Variants in MICAL2 observed in about 807,000 individuals in gnomAD.
MICAL2 encodes [F-actin]-monooxygenase MICAL2.
In MICAL2, 77 loss-of-function variants were observed where a neutral mutation model predicts 127.3. The observed-to-expected ratio is 0.60, with a 90% confidence interval of 0.50 to 0.73. MICAL2 has a LOEUF of 0.73. Among genes scored for constraint, MICAL2 ranks in the 30% least tolerant of loss-of-function variants. MICAL2 has a pLI of 0.00. For missense variants in MICAL2, 1,351 were observed against 1,434.4 expected (o/e 0.94, Z 0.94); for synonymous variants, 570 against 551.1 (o/e 1.03, Z -0.48).
intron 24 of MICAL2, 178 bp downstream of exon 24, chr11:12,257,149 C>A: frequency 1.5e-6 from 1 of 674,664 alleles, no homozygotes. Context: ...GGGAGGCTGC[C>A]TGTGGTCCCA....
At chr11:12,167,276 T>C (rs1472592521) in intron 3 of MICAL2, among the ~76,000 whole-genome samples, 1 of 152,112 alleles carries the variant, frequency 6.6e-6, no homozygotes. Flanking sequence ...TGAAAACTCT[T>C]GCGTTATCTT....
At chr11:12,267,886 C>A (rs1863627618), downstream of MICAL2, among the ~76,000 whole-genome samples, 1 of 152,208 alleles carries the variant, frequency 6.6e-6, no homozygotes. Context: ...AGCCACTGTG[C>A]CTGGCCTGGA....
intron 2 of MICAL2, among the ~76,000 whole-genome samples, chr11:12,139,589 C>T (rs1057096125): frequency 1.3e-5 from 2 of 152,106 alleles, no homozygotes; most frequent in African/African-American, 4.8e-5. Flanking sequence ...CCACGGGAGT[C>T]CTGAATGGCA....
At chr11:12,111,931 C>G (rs11022177) in intron 1 of MICAL2, among the ~76,000 whole-genome samples, 46,602 of 152,088 alleles carry the variant, frequency 0.31, 7,188 homozygotes, top group South Asian at 0.39. Flanking sequence ...ACTCTAATAC[C>G]GTAAGAACTC....
chr11:12,158,921 C>T (rs760698057), intron 2 of MICAL2, among the ~76,000 whole-genome samples: 5 of 152,232 alleles, frequency 3.3e-5, no homozygotes, highest in Admixed American at 6.5e-5. Flanking sequence ...ACGAGGAAAG[C>T]TACCCGCCAT....
intron 29 of MICAL2, among the ~76,000 whole-genome samples, chr11:12,319,005 C>T (rs901475604): frequency 2.0e-5 from 3 of 152,084 alleles, no homozygotes; most frequent in Admixed American, 6.5e-5. Context: ...ATCACCACTT[C>T]GATGATGTGA....
chr11:12,320,437 C>T (rs1197602153), intron 30 of MICAL2, among the ~76,000 whole-genome samples: 2 of 152,124 alleles, frequency 1.3e-5, no homozygotes, highest in Non-Finnish European at 2.9e-5. Flanking sequence ...CTGTATGTCA[C>T]ATACACAGAG....
chr11:12,294,217 C>T (rs34063431), downstream of MICAL2: 1,277 of 1,614,070 alleles, frequency 7.9e-4, 12 homozygotes, highest in African/African-American at 0.016. Context: ...GGGAGCGAAA[C>T]GTGCCTCCAC....
chr11:12,164,199 G>A (rs999418088), intron 3 of MICAL2, among the ~76,000 whole-genome samples: 2 of 152,146 alleles, frequency 1.3e-5, no homozygotes, highest in African/African-American at 4.8e-5. Flanking sequence ...TCTTGTGGTT[G>A]GCAGGTCACC....
At chr11:12,308,585 G>A (rs1295862113) in intron 29 of MICAL2, among the ~76,000 whole-genome samples, 1 of 152,094 alleles carries the variant, frequency 6.6e-6, no homozygotes, top group Non-Finnish European at 1.5e-5. Flanking sequence ...ATATGTAGAA[G>A]CAAATTAACT....
intron 32 of MICAL2, among the ~76,000 whole-genome samples, chr11:12,336,753 G>A (rs1208701782): frequency 4.6e-5 from 7 of 152,158 alleles, no homozygotes; most frequent in Non-Finnish European, 5.9e-5. Flanking sequence ...GCTGGATTAT[G>A]TTTATTGATT....
At chr11:12,155,048 C>T in intron 2 of MICAL2, among the ~76,000 whole-genome samples, 1 of 152,138 alleles carries the variant, frequency 6.6e-6, no homozygotes, top group East Asian at 1.9e-4. Context: ...TGGTAAAGGC[C>T]TGGTACACTG....
intron 15 of MICAL2, among the ~76,000 whole-genome samples, chr11:12,235,158 G>C (rs1175323150): frequency 6.6e-6 from 1 of 152,130 alleles, no homozygotes; most frequent in Non-Finnish European, 1.5e-5. Context: ...GTGGACCCTA[G>C]CCCAGCGACA....
chr11:12,189,056 A>G (rs1858717185), intron 3 of MICAL2, among the ~76,000 whole-genome samples: 1 of 152,208 alleles, frequency 6.6e-6, no homozygotes, highest in Non-Finnish European at 1.5e-5. Context: ...AGAGCACAGT[A>G]TCACCATTCT....
At chr11:12,281,265 G>A (rs1364784039) in intron 2 of MICAL2, among the ~76,000 whole-genome samples, 2 of 152,216 alleles carry the variant, frequency 1.3e-5, no homozygotes, top group African/African-American at 2.4e-5. Flanking sequence ...TGGCAGTGAA[G>A]GGACTTGAAC....
At chr11:12,294,413 C>T (rs773824727), downstream of MICAL2, 6 of 1,614,110 alleles carry the variant, frequency 3.7e-6, no homozygotes, top group African/African-American at 8.0e-5. Flanking sequence ...CCAGCATTCC[C>T]CTGGGAGAAA....
intron 2 of MICAL2, among the ~76,000 whole-genome samples, chr11:12,138,998 G>A (rs553602500): frequency 6.6e-6 from 1 of 152,328 alleles, no homozygotes; most frequent in East Asian, 1.9e-4. Flanking sequence ...AGGCTAATAA[G>A]TGCCCAGGAC....
intron 22 of MICAL2, among the ~76,000 whole-genome samples, chr11:12,251,577 TAAAAAAAAAAAAAAA>T (rs536942703): frequency 0.022 from 2,093 of 93,878 alleles, 62 homozygotes; most frequent in African/African-American, 0.072. Flanking sequence ...CATTTCACTT[TAAAAAAAAAAAAAAA>T]AAAAAAAAAA....
chr11:12,111,489 T>C (rs1051880608), intron 1 of MICAL2, among the ~76,000 whole-genome samples: 1 of 152,206 alleles, frequency 6.6e-6, no homozygotes, highest in Non-Finnish European at 1.5e-5. Flanking sequence ...GGGTAAATTG[T>C]ATTCACCGCC....
Sources: gnomAD v4.1 joint callset for allele counts (sites outside exome capture counted in the v4.1 genomes callset) on GRCh38, gnomAD v4.1.1 for gene constraint, MANE v1.5 for transcripts, NCBI Gene and HGNC (gene_info 2026-07-23, HGNC 2026-07-21) for gene names.